EP400: variants seen among roughly 807,000 people sequenced by gnomAD.
EP400 encodes E1A binding protein p400.
A neutral mutation model predicts 354.1 loss-of-function variants in EP400; 105 were observed. The ratio of observed to expected loss-of-function variants is 0.30; its 90% CI spans 0.25 to 0.35. EP400 has a LOEUF of 0.35. Ranked by LOEUF, EP400 falls within the 10% of genes least tolerant of loss-of-function variation. EP400 has a pLI of 1.00. For synonymous variants in EP400, 1,646 were observed against 1,716.9 expected, an observed-to-expected ratio of 0.96 and a Z score of 1.02; for missense variants, 3,280 against 4,121.0, an observed-to-expected ratio of 0.80 and a Z score of 5.59.
intron 33 of EP400, 58 bp downstream of exon 33, chr12:132,043,520 A>C: frequency 6.3e-7 from 1 of 1,593,698 alleles, no homozygotes; most frequent in Non-Finnish European, 8.5e-7. Flanking sequence ...CTTCTATAAA[A>C]TATTTATTGT....
chr12:131,951,244 G>T (rs1209713465), intron 1 of EP400, among the ~76,000 whole-genome samples: 1 of 151,772 alleles, frequency 6.6e-6, no homozygotes, highest in South Asian at 2.1e-4. Context: ...TAGAGACGGG[G>T]TTTCACTGTG....
intron 11 of EP400, among the ~76,000 whole-genome samples, chr12:131,992,490 A>G (rs974012714): frequency 2.0e-5 from 3 of 152,170 alleles, no homozygotes; most frequent in Admixed American, 6.5e-5. Context: ...TTGGGGCCCC[A>G]TGCTCCTGTG....
rs745997479 is a variant in EP400 at position 132,043,488 on chromosome 12, T to G, written c.6366+26T>G. 8.1e-6 allele frequency: 13 copies of G among 1,600,110 alleles called. No individual in the cohort carries two copies. The Admixed American group carries it at 8.9e-5, about 11-fold the overall frequency. Reference sequence around the variant, plus strand: ...GTTTGGGCATGTTTTCCTTTACAACTACATATTTTAAAAATTTGACGCTTC... The same window carrying G: ...GTTTGGGCATGTTTTCCTTTACAACGACATATTTTAAAAATTTGACGCTTC... On this transcript the variant is annotated intron_variant, in intron 33 of 52. Transcript: ENST00000389561.
At chr12:131,952,302 CAAA>C (rs927214848) in intron 1 of EP400, among the ~76,000 whole-genome samples, 988 of 46,960 alleles carry the variant, frequency 0.021, 6 homozygotes, top group African/African-American at 0.063. Context: ...GACTCTGTCT[CAAA>C]AAAAAAAAAA....
chr12:132,066,468 C>T (rs1351653188), intron 48 of EP400: 8 of 323,196 alleles, frequency 2.5e-5, no homozygotes, highest in East Asian at 7.5e-5. Context: ...GGACAGGATG[C>T]GGTTACTGGT....
chr12:131,965,609 A>C (rs1227152860), intron 2 of EP400, among the ~76,000 whole-genome samples: 1 of 151,966 alleles, frequency 6.6e-6, no homozygotes, highest in Non-Finnish European at 1.5e-5. Context: ...AAGCTCCATC[A>C]CCTCCCAAAA....
chr12:132,022,526 A>G (rs1030192047), intron 23 of EP400, among the ~76,000 whole-genome samples: 2 of 152,216 alleles, frequency 1.3e-5, no homozygotes, highest in East Asian at 1.9e-4. Flanking sequence ...TCAAGTATCA[A>G]CCATTGGGAA....
In EP400 at chr12:132,073,668, G is replaced by A. The variant is rs560935958; in HGVS notation, c.9022-2848G>A. ...GGGTTTCACCATGTTGGCCAGGCTA[G>A]TCTCGAACTCCTGACCTCGTGATGC... On this transcript the variant is annotated intron_variant, in intron 51 of 52. Transcript: ENST00000389561. Among the ~76,000 whole-genome samples, 8 of 151,994 alleles carry A rather than the reference G, an allele frequency of 5.3e-5. No individual in the cohort carries two copies. In the East Asian group the frequency reaches 1.6e-3, roughly 30 times the overall value.
Position 131,960,916 on chromosome 12 carries a change from C to T in EP400, c.297C>T (p.Pro99=), listed in dbSNP as rs780219125. ...TGGCCCCACTGCCGCTCCCCAGCCCCACCTCTCCAGGCTTCCAGTTCAGCG... is the reference window on the plus strand; with the variant it reads ...TGGCCCCACTGCCGCTCCCCAGCCCTACCTCTCCAGGCTTCCAGTTCAGCG... ...ITLAPLPLPS[P]TSPGFQFSAQ... is the part of the protein sequence containing the mutation. The change falls in exon 2 of 53, where the codon CCC becomes CCT. Residue 99 remains proline, a synonymous_variant. Coordinates refer to ENST00000389561, the MANE Select transcript of EP400 (RefSeq NM_015409.5). 5.8e-5 allele frequency: 94 copies of T among 1,613,914 alleles called. No homozygotes were observed. In the East Asian group the frequency reaches 7.1e-4, roughly 12 times the overall value.
intron 48 of EP400, 86 bp from the exon 49 acceptor site, chr12:132,066,688 T>C: frequency 1.5e-6 from 2 of 1,376,642 alleles, no homozygotes; most frequent in South Asian, 2.7e-5. Flanking sequence ...AATTTTCTCA[T>C]GGCATGACCT....
Position 132,013,267 on chromosome 12 carries a change from A to T in EP400, c.3611+89A>T. On this transcript the variant is annotated intron_variant, in intron 17 of 52. Transcript: ENST00000389561. This position sits in a 1 kb window ranked among gnomAD's most constrained non-coding sequence, Gnocchi z 4.5. ...GAAATCTGCATAATTGCAGACACAA[A>T]CAATGGCCTTTGAGCTAGAGAATTG... 6.7e-7 allele frequency: 1 copy of T among 1,484,680 alleles called. No homozygotes were observed. Among genetic ancestry groups the T allele is most frequent in the Non-Finnish European group, 9.0e-7 (1 of 1,108,758 alleles). 92.0% of individuals were successfully genotyped at this position (1,484,680 alleles called of 1,614,324 possible).
In EP400 at chr12:132,011,551, G is replaced by A. The variant is rs1893765657; in HGVS notation, c.3358G>A (p.Glu1120Lys). The change falls in exon 16 of 53, where the codon GAG (glutamate) becomes AAG (lysine). Residue 1120 changes from glutamate to lysine, a missense_variant. Glu to Lys is a moderately conservative substitution (Grantham distance 56). Coordinates refer to ENST00000389561, the MANE Select transcript of EP400 (RefSeq NM_015409.5). Reference protein sequence around the residue: ...VVRSCNILKWELELKRWCPGL... With the variant: ...VVRSCNILKWKLELKRWCPGL... Reference sequence around the variant, plus strand: ...GAGAAGTTGTAACATACTCAAGTGGGAGCTTGAATTGAAACGTTGGTGTCC... The same window carrying A: ...GAGAAGTTGTAACATACTCAAGTGGAAGCTTGAATTGAAACGTTGGTGTCC... 1 of 1,613,946 alleles carries A rather than the reference G, an allele frequency of 6.2e-7. No homozygotes were observed. The highest frequency in any genetic ancestry group is 1.3e-5 in the African/African-American group (1 of 74,894).
At chr12:132,031,039 TAAC>T (rs1894473554) in intron 29 of EP400, among the ~76,000 whole-genome samples, 1 of 151,516 alleles carries the variant, frequency 6.6e-6, no homozygotes, top group South Asian at 2.1e-4. Context: ...AAAGGTGATT[TAAC>T]AAGTTTTCTT....
chr12:131,999,019 A>T (rs1246996763), intron 12 of EP400, among the ~76,000 whole-genome samples: 2 of 150,828 alleles, frequency 1.3e-5, no homozygotes, highest in Admixed American at 6.6e-5. Flanking sequence ...GCTAGGTAGG[A>T]CTTTCAGTAA....
In EP400 at chr12:132,054,928, G is replaced by A; in HGVS notation, c.7729-46G>A. 6.3e-7 allele frequency: 1 copy of A among 1,589,022 alleles called. No individual in the cohort carries two copies. Among genetic ancestry groups the A allele is most frequent in the Non-Finnish European group, 8.6e-7 (1 of 1,157,964 alleles). On this transcript the variant is annotated intron_variant, in intron 43 of 52. Transcript: ENST00000389561. This position sits in a 1 kb window ranked among gnomAD's most constrained non-coding sequence, Gnocchi z 4.0. ...GAAGCCTTTGGAGGATTTATGCAGG[G>A]GAGAGCCTGACGTGAAATTCAAATG... is the stretch of plus-strand genomic sequence containing the variant.
chr12:132,042,328 A>C (rs1383033095), intron 32 of EP400, among the ~76,000 whole-genome samples: 1 of 152,172 alleles, frequency 6.6e-6, no homozygotes, highest in Non-Finnish European at 1.5e-5. Context: ...TACACTTGAC[A>C]TATCTTTCCC....
intron 1 of EP400, among the ~76,000 whole-genome samples, chr12:131,955,788 G>A (rs541007012): frequency 1.3e-5 from 2 of 152,088 alleles, no homozygotes; most frequent in East Asian, 3.9e-4. Context: ...GTGATTACAG[G>A]AACATGCAAC....
At chr12:132,048,948 A>G (rs1895205163) in intron 39 of EP400, among the ~76,000 whole-genome samples, 1 of 152,246 alleles carries the variant, frequency 6.6e-6, no homozygotes, top group Non-Finnish European at 1.5e-5. Context: ...AGGAATCAAC[A>G]GAAACCTGAG....
At chr12:132,040,687 G>A (rs1312622769) in intron 32 of EP400, among the ~76,000 whole-genome samples, 1 of 152,212 alleles carries the variant, frequency 6.6e-6, no homozygotes, top group African/African-American at 2.4e-5. Flanking sequence ...AGTGAGTAAA[G>A]CATGTAATTT....
Sources: allele counts gnomAD v4.1 joint callset (sites outside exome capture counted in the v4.1 genomes callset), GRCh38; gene constraint gnomAD v4.1.1; non-coding constraint Gnocchi (gnomAD v3.1); transcripts MANE v1.5; gene names NCBI Gene and HGNC (gene_info 2026-07-23, HGNC 2026-07-21).